EXT1: variants seen among roughly 807,000 people sequenced by gnomAD.
The protein encoded by EXT1 is exostosin glycosyltransferase 1, also known as exostosin-1.
Under a neutral mutation model 82.5 loss-of-function variants are expected in EXT1, and 20 were observed. The observed-to-expected ratio is 0.24, with a 90% CI of 0.17 to 0.35. The LOEUF (loss-of-function observed/expected upper bound fraction) is 0.35. Among genes scored for constraint, EXT1 ranks in the 10% least tolerant of loss-of-function variants. The pLI is 1.00. For missense variants in EXT1, 757 were observed against 936.5 expected, an observed-to-expected ratio of 0.81 and a Z score of 2.50; for synonymous variants, 348 against 350.8, an observed-to-expected ratio of 0.99 and a Z score of 0.09.
intron 4 of EXT1, among the ~76,000 whole-genome samples, chr8:117,825,057 A>T (rs1172130373): frequency 1.3e-5 from 2 of 151,898 alleles, no homozygotes; most frequent in Non-Finnish European, 2.9e-5. Context: ...TTTTTTGTAG[A>T]GATAAGGTCT....
intron 1 of EXT1, among the ~76,000 whole-genome samples, chr8:117,845,826 A>C (rs1227678818): frequency 6.6e-6 from 1 of 152,116 alleles, no homozygotes; most frequent in East Asian, 1.9e-4. Context: ...GAGCTGCACA[A>C]TCTGTAATCT....
At chr8:117,942,073 C>T (rs1356474821) in intron 1 of EXT1, among the ~76,000 whole-genome samples, 1 of 152,170 alleles carries the variant, frequency 6.6e-6, no homozygotes, top group Non-Finnish European at 1.5e-5. Context: ...CTGCTGCTAC[C>T]GTCTTAGCCT....
intron 1 of EXT1, among the ~76,000 whole-genome samples, chr8:117,842,023 T>C (rs1436974645): frequency 6.6e-6 from 1 of 152,148 alleles, no homozygotes; most frequent in East Asian, 1.9e-4. Flanking sequence ...CACCCAAACC[T>C]GCTGAATCAG....
intron 1 of EXT1, among the ~76,000 whole-genome samples, chr8:117,889,379 C>T (rs1461355220): frequency 6.6e-6 from 1 of 152,198 alleles, no homozygotes; most frequent in Non-Finnish European, 1.5e-5. Context: ...AGTTAAAACA[C>T]ATTCAACAAA....
chr8:117,863,196 T>TA (rs888295541), intron 1 of EXT1, among the ~76,000 whole-genome samples: 6 of 145,344 alleles, frequency 4.1e-5, no homozygotes, highest in African/African-American at 1.5e-4. Context: ...AAAAGGCAAG[T>TA]ACTATTAGTA....
chr8:117,928,806 AT>A (rs1813998032), intron 1 of EXT1, among the ~76,000 whole-genome samples: 1 of 152,112 alleles, frequency 6.6e-6, no homozygotes, highest in Non-Finnish European at 1.5e-5. Context: ...ACAGAGTAGG[AT>A]TTTTTTACTT....
intron 1 of EXT1, among the ~76,000 whole-genome samples, chr8:117,851,147 A>G (rs1223680265): frequency 6.6e-6 from 1 of 152,176 alleles, no homozygotes; most frequent in African/African-American, 2.4e-5. Flanking sequence ...ATAAAATCAA[A>G]CAAATGTTAA....
intron 1 of EXT1, among the ~76,000 whole-genome samples, chr8:117,867,186 G>A (rs1192595881): frequency 6.6e-6 from 1 of 150,458 alleles, no homozygotes; most frequent in Admixed American, 6.6e-5. Context: ...TTGAACCCAG[G>A]AGGCAGAAGG....
intron 1 of EXT1, among the ~76,000 whole-genome samples, chr8:118,010,371 CAAAAAA>C (rs56865464): frequency 1.8e-5 from 1 of 56,008 alleles, no homozygotes; most frequent in African/African-American, 5.6e-5. Flanking sequence ...GACTCCGTCT[CAAAAAA>C]AAAAAAAAAA....
intron 1 of EXT1, among the ~76,000 whole-genome samples, chr8:117,874,758 C>T (rs1812938053): frequency 6.6e-6 from 1 of 151,940 alleles, no homozygotes; most frequent in Non-Finnish European, 1.5e-5. Context: ...ATTCCAATAC[C>T]AATGATAGAA....
intron 1 of EXT1, among the ~76,000 whole-genome samples, chr8:117,950,342 G>C (rs1490646361): frequency 6.6e-6 from 1 of 152,170 alleles, no homozygotes; most frequent in Non-Finnish European, 1.5e-5. Flanking sequence ...CAGACCTTTC[G>C]ACCAGCAGCT....
At chr8:117,952,072 T>C (rs1427253757) in intron 1 of EXT1, among the ~76,000 whole-genome samples, 2 of 152,308 alleles carry the variant, frequency 1.3e-5, no homozygotes, top group East Asian at 3.9e-4. Context: ...ATTAAACCAA[T>C]GTCAGAAATT....
At chr8:117,841,540 C>T (rs1238816824) in intron 1 of EXT1, among the ~76,000 whole-genome samples, 14 of 152,044 alleles carry the variant, frequency 9.2e-5, no homozygotes, top group Non-Finnish European at 1.5e-4. Flanking sequence ...CATATGATAT[C>T]CTAAGCAAGA....
At chr8:118,031,286 C>T (rs564206565) in intron 1 of EXT1, among the ~76,000 whole-genome samples, 97 of 152,156 alleles carry the variant, frequency 6.4e-4, no homozygotes, top group African/African-American at 2.2e-3. Context: ...TTTAGGAGGC[C>T]GAGGTGGGCG....
intron 1 of EXT1, among the ~76,000 whole-genome samples, chr8:117,917,339 C>T (rs1029851811): frequency 6.6e-6 from 1 of 152,088 alleles, no homozygotes; most frequent in Non-Finnish European, 1.5e-5. Context: ...GTGGTGCGTG[C>T]CTGTAATCCC....
chr8:117,809,245 T>TATGTATATATGTATATATA (rs1563874294), intron 8 of EXT1, among the ~76,000 whole-genome samples: 2 of 66,050 alleles, frequency 3.0e-5, no homozygotes, highest in African/African-American at 7.9e-5. Flanking sequence ...ATATATATAT[T>TATGTATATATGTATATATA]ATGTTCTATT....
intron 1 of EXT1, among the ~76,000 whole-genome samples, chr8:118,000,591 A>G (rs1815641958): frequency 6.6e-6 from 1 of 152,242 alleles, no homozygotes; most frequent in Admixed American, 6.5e-5. Flanking sequence ...ATGCCCCAGC[A>G]AGCAATAAAT....
chr8:117,956,060 T>C (rs559720161), intron 1 of EXT1, among the ~76,000 whole-genome samples: 3 of 152,258 alleles, frequency 2.0e-5, no homozygotes, highest in African/African-American at 7.2e-5. Context: ...TTTTAGAGTA[T>C]TTGCTGTTTA....
intron 10 of EXT1, among the ~76,000 whole-genome samples, chr8:117,801,611 T>A (rs1563872094): frequency 6.6e-6 from 1 of 152,170 alleles, no homozygotes; most frequent in South Asian, 2.1e-4. Flanking sequence ...GTTCAAGTGA[T>A]TCTTGTGTCT....
Sources: allele counts gnomAD v4.1 joint callset (sites outside exome capture counted in the v4.1 genomes callset), GRCh38; gene constraint gnomAD v4.1.1; transcripts MANE v1.5; gene names NCBI Gene and HGNC (gene_info 2026-07-23, HGNC 2026-07-21).